TXLNG: variants seen among roughly 807,000 people sequenced by gnomAD.
TXLNG encodes the protein gamma-taxilin.
Under a neutral mutation model 38.8 loss-of-function variants are expected in TXLNG, and 5 were observed. The ratio of observed to expected loss-of-function variants is 0.13; its 90% CI spans 0.07 to 0.27. The LOEUF is 0.27. Among genes scored for constraint, TXLNG ranks in the 10% least tolerant of loss-of-function variants. The pLI is 1.00. For synonymous variants in TXLNG, 182 were observed against 158.2 expected (o/e 1.15, Z -1.13); for missense variants, 393 against 398.2 (o/e 0.99, Z 0.11).
At chrX:16,824,124 C>T (rs1342509287) in intron 3 of TXLNG, among the ~76,000 whole-genome samples, 2 of 112,143 alleles carry the variant, frequency 1.8e-5, no homozygotes, top group Non-Finnish European at 3.8e-5. Flanking sequence ...AGCATCTGCA[C>T]TTCAGGAGGC....
intron 1 of TXLNG, among the ~76,000 whole-genome samples, chrX:16,805,888 A>G (rs1451192264): frequency 8.9e-6 from 1 of 112,648 alleles, no homozygotes; most frequent in African/African-American, 3.2e-5. Flanking sequence ...TTAAAAATAA[A>G]TATCCTTTCA....
intron 3 of TXLNG, among the ~76,000 whole-genome samples, chrX:16,826,453 T>A (rs1929170262): frequency 9.0e-6 from 1 of 111,653 alleles, no homozygotes; most frequent in Non-Finnish European, 1.9e-5. Flanking sequence ...AAGGCTGCCA[T>A]CTTATCTGTT....
chrX:16,821,631 G>GT (rs976166600), intron 3 of TXLNG, among the ~76,000 whole-genome samples: 2 of 112,410 alleles, frequency 1.8e-5, no homozygotes, highest in African/African-American at 6.5e-5. Flanking sequence ...ATCTTCATCT[G>GT]TTAAAACAGT....
At chrX:16,815,820 T>A (rs1928719578) in intron 1 of TXLNG, among the ~76,000 whole-genome samples, 1 of 109,508 alleles carries the variant, frequency 9.1e-6, no homozygotes, top group Non-Finnish European at 1.9e-5. Context: ...CCACTGCGCC[T>A]GTCCGAAATT....
intron 1 of TXLNG, 78 bp downstream of exon 1, chrX:16,786,667 C>T (rs1927495920): frequency 1.4e-6 from 1 of 731,208 alleles, no homozygotes; most frequent in African/African-American, 2.3e-5. Context: ...CACCTCTTCT[C>T]TCTCCCTGGT....
chrX:16,798,334 A>G (rs751516831), intron 1 of TXLNG, among the ~76,000 whole-genome samples: 5 of 112,263 alleles, frequency 4.5e-5, no homozygotes, highest in Middle Eastern at 4.6e-3. Context: ...CAAAAATTCT[A>G]TTTTTTGCTT....
chrX:16,786,831 G>T (rs1927506543), intron 1 of TXLNG, among the ~76,000 whole-genome samples: 1 of 109,403 alleles, frequency 9.1e-6, no homozygotes, highest in African/African-American at 3.3e-5. Context: ...GGGAGGGAGG[G>T]CAGGGGGCGC....
intron 1 of TXLNG, among the ~76,000 whole-genome samples, chrX:16,812,770 C>T (rs1239573063): frequency 1.1e-4 from 9 of 85,289 alleles, no homozygotes; most frequent in Non-Finnish European, 1.5e-4. Context: ...GGTGTGATCT[C>T]GGCTCACCAC....
chrX:16,791,044 CAG>C (rs1927683496), intron 1 of TXLNG, among the ~76,000 whole-genome samples: 2 of 112,072 alleles, frequency 1.8e-5, no homozygotes, highest in Admixed American at 1.9e-4. Flanking sequence ...ATACCTACCA[CAG>C]GGGATTACTG....
chrX:16,831,772 T>TATA (rs2147494433), intron 5 of TXLNG, among the ~76,000 whole-genome samples: 1 of 112,057 alleles, frequency 8.9e-6, no homozygotes, highest in South Asian at 3.7e-4. Context: ...TTGGTCAGAA[T>TATA]ATAATGATCA....
In TXLNG at chrX:16,843,243, C is replaced by A. The variant is rs1169400492; in HGVS notation, c.*1477C>A. 1 of 112,188 alleles carries A rather than the reference C, an allele frequency of 8.9e-6. No individual in the cohort carries two copies. Among genetic ancestry groups the A allele is most frequent in the Non-Finnish European group, 1.9e-5 (1 of 53,250 alleles). The allele number at this position is 112,188 out of a possible 1,213,427, so 9.2% of individuals were successfully genotyped here. A position where few individuals can be genotyped will look rare whatever the true frequency, so the allele number is the denominator to read the frequency against. The stretch of plus-strand genomic sequence containing the variant: ...AGTTAAAAGGGTTTTCTCTTTGTTA[C>A]AAGTGTTATTTGTAAAGTCCTGTCA... On this transcript the variant is annotated 3_prime_UTR_variant, in exon 10 of 10. Coordinates refer to ENST00000380122, the MANE Select transcript of TXLNG (RefSeq NM_018360.3).
chrX:16,828,625 A>G (rs1464089050), intron 4 of TXLNG, among the ~76,000 whole-genome samples: 1 of 112,019 alleles, frequency 8.9e-6, no homozygotes, highest in Non-Finnish European at 1.9e-5. Context: ...GTGAAATGAG[A>G]AACTAGTAAC....
In TXLNG at chrX:16,842,020, C is replaced by A. The variant is rs1024220224; in HGVS notation, c.*254C>A. ...GGAATGCATGTGTTCATTGCCTTGT[C>A]CTTTCTCTCCCTGCTCCTTGCACAT... On this transcript the variant is annotated 3_prime_UTR_variant, in exon 10 of 10. Coordinates refer to ENST00000380122, the MANE Select transcript of TXLNG (RefSeq NM_018360.3). 1.4e-5 allele frequency: 5 copies of A among 345,546 alleles called. No homozygotes were observed. Among genetic ancestry groups the A allele is most frequent in the Non-Finnish European group, 2.5e-5 (5 of 199,952 alleles). 28.5% of individuals were successfully genotyped at this position (345,546 alleles called of 1,213,427 possible).
At chrX:16,835,896 C>T (rs1929576851) in intron 7 of TXLNG, among the ~76,000 whole-genome samples, 1 of 112,373 alleles carries the variant, frequency 8.9e-6, no homozygotes, top group Non-Finnish European at 1.9e-5. Flanking sequence ...TAATAGTGGC[C>T]ACTTATTGGC....
intron 9 of TXLNG, among the ~76,000 whole-genome samples, chrX:16,841,193 CAA>C (rs200825105): frequency 4.1e-5 from 4 of 98,469 alleles, no homozygotes; most frequent in East Asian, 3.2e-4. Context: ...GACTCTGTCT[CAA>C]AAAAAAAAAA....
At chrX:16,836,069 G>A (rs969068348) in intron 7 of TXLNG, among the ~76,000 whole-genome samples, 2 of 112,299 alleles carry the variant, frequency 1.8e-5, no homozygotes, top group Admixed American at 1.9e-4. Context: ...ACCAGCCTGA[G>A]CAACATGGTG....
At chrX:16,810,946 G>A (rs1416380103) in intron 1 of TXLNG, among the ~76,000 whole-genome samples, 2 of 112,072 alleles carry the variant, frequency 1.8e-5, no homozygotes, top group East Asian at 5.6e-4. Flanking sequence ...CCCCCAAATT[G>A]CTGGGTTTCC....
chrX:16,828,416 C>G, intron 4 of TXLNG, 152 bp downstream of exon 4: 1 of 550,191 alleles, frequency 1.8e-6, no homozygotes, highest in Non-Finnish European at 2.7e-6. Context: ...TGTGTGAGGT[C>G]ATTGTAAATG....
chrX:16,840,078 T>G (rs1929739983), intron 9 of TXLNG, 162 bp downstream of exon 9: 1 of 384,110 alleles, frequency 2.6e-6, no homozygotes, highest in Admixed American at 5.1e-5. Context: ...GGGTAGAATC[T>G]GTGACTTCTT....
Sources: gnomAD v4.1 joint callset for allele counts (sites outside exome capture counted in the v4.1 genomes callset) on GRCh38, gnomAD v4.1.1 for gene constraint, MANE v1.5 for transcripts, NCBI Gene and HGNC (gene_info 2026-07-23, HGNC 2026-07-21) for gene names.